HS2ST1: variants seen among roughly 807,000 people sequenced by gnomAD.
The protein encoded by HS2ST1 is heparan sulfate 2-O-sulfotransferase 1.
A neutral mutation model predicts 42.9 loss-of-function variants in HS2ST1; 18 were observed. That is an observed-to-expected ratio of 0.42 (90% CI 0.29 to 0.62). HS2ST1 has a LOEUF of 0.62. Ranked by LOEUF, HS2ST1 falls within the 20% of genes least tolerant of loss-of-function variation. HS2ST1 has a pLI of 0.21. For missense variants in HS2ST1, 334 were observed against 433.8 expected, an observed-to-expected ratio of 0.77 and a Z score of 2.04; for synonymous variants, 146 against 152.9, an observed-to-expected ratio of 0.95 and a Z score of 0.33.
At chr1:87,072,847 C>T in intron 1 of HS2ST1, 87 bp from the exon 2 acceptor site, 2 of 912,166 alleles carry the variant, frequency 2.2e-6, no homozygotes, top group Non-Finnish European at 3.4e-6. Context: ...TTTTTTGTAT[C>T]TTTTCTAATC....
At chr1:86,982,879 C>A (rs901804466) in intron 1 of HS2ST1, among the ~76,000 whole-genome samples, 7 of 152,178 alleles carry the variant, frequency 4.6e-5, no homozygotes, top group African/African-American at 1.7e-4. Context: ...TAAATCGTCT[C>A]TCTCAAGTTC....
chr1:86,941,326 T>C (rs184071725), intron 1 of HS2ST1, among the ~76,000 whole-genome samples: 7 of 151,430 alleles, frequency 4.6e-5, no homozygotes, highest in Non-Finnish European at 2.9e-5. Flanking sequence ...CAAAATCTTT[T>C]CTTAGCCATG....
chr1:86,963,744 GCCC>G (rs370405012), intron 1 of HS2ST1, among the ~76,000 whole-genome samples: 1 of 127,208 alleles, frequency 7.9e-6, no homozygotes, highest in African/African-American at 3.1e-5. Context: ...AGGCAGAGGC[GCCC>G]CCCCCCCCAC....
At chr1:87,056,191 A>G (rs925686348) in intron 1 of HS2ST1, among the ~76,000 whole-genome samples, 7 of 152,252 alleles carry the variant, frequency 4.6e-5, no homozygotes, top group East Asian at 1.9e-4. Context: ...ATTAGTTACA[A>G]TGAGATCAGG....
chr1:86,959,826 A>G (rs1414075972), intron 1 of HS2ST1, among the ~76,000 whole-genome samples: 1 of 152,236 alleles, frequency 6.6e-6, no homozygotes, highest in Non-Finnish European at 1.5e-5. Flanking sequence ...TTCCATGTTC[A>G]TGCTTAGGCA....
intron 3 of HS2ST1, among the ~76,000 whole-genome samples, chr1:87,084,573 T>TA (rs1356905493): frequency 6.6e-6 from 1 of 152,122 alleles, no homozygotes; most frequent in Non-Finnish European, 1.5e-5. Context: ...GAGCTCAAGT[T>TA]ATAACCTAGA....
intron 1 of HS2ST1, among the ~76,000 whole-genome samples, chr1:87,037,777 C>T (rs1321370843): frequency 6.6e-6 from 1 of 151,790 alleles, no homozygotes; most frequent in Admixed American, 6.6e-5. Flanking sequence ...TATTCTACAA[C>T]TTGCATTTTT....
At chr1:87,095,918 T>G (rs115687490) in intron 4 of HS2ST1, among the ~76,000 whole-genome samples, 3,720 of 151,920 alleles carry the variant, frequency 0.024, 52 homozygotes, top group South Asian at 0.058. Flanking sequence ...TCGGTTTACA[T>G]TTTTGCAAAT....
chr1:86,985,081 C>G (rs887985079), intron 1 of HS2ST1, among the ~76,000 whole-genome samples: 1 of 150,896 alleles, frequency 6.6e-6, no homozygotes, highest in African/African-American at 2.4e-5. Context: ...TTTGGCCAGG[C>G]GCGGTGGCTC....
intron 1 of HS2ST1, among the ~76,000 whole-genome samples, chr1:87,055,402 A>G (rs1429178483): frequency 6.6e-6 from 1 of 152,066 alleles, no homozygotes; most frequent in Non-Finnish European, 1.5e-5. Flanking sequence ...CTTGTCACCT[A>G]AGCCTCTAAC....
At chr1:87,053,886 C>T (rs1650893845) in intron 1 of HS2ST1, among the ~76,000 whole-genome samples, 1 of 108,590 alleles carries the variant, frequency 9.2e-6, no homozygotes, top group Non-Finnish European at 2.0e-5. Flanking sequence ...TCAAAATTCT[C>T]TTTTGATGTT....
chr1:86,945,900 C>T (rs1647318995), intron 1 of HS2ST1, among the ~76,000 whole-genome samples: 1 of 152,184 alleles, frequency 6.6e-6, no homozygotes, highest in South Asian at 2.1e-4. Flanking sequence ...AAAACCTGGT[C>T]TCTATAAAAA....
In HS2ST1 at chr1:87,034,689, C is replaced by T. The variant is rs552318564; in HGVS notation, c.125-38245C>T. On this transcript the variant is annotated intron_variant, in intron 1 of 6. Coordinates refer to ENST00000370550, the MANE Select transcript of HS2ST1 (RefSeq NM_012262.4). ...GTGTAAAGTATATGTACGAAGCTTT[C>T]CCTTTTAAAAGACAATAAAAAATAG... Among the ~76,000 whole-genome samples the T allele has an allele frequency of 3.2e-4, 48 of 152,170 alleles. No individual in the cohort carries two copies. In the East Asian group the frequency reaches 8.7e-3, roughly 27 times the overall value.
chr1:87,046,402 G>A, intron 1 of HS2ST1: 2 of 815,524 alleles, frequency 2.5e-6, no homozygotes, highest in Non-Finnish European at 4.4e-6. Context: ...AGCTGCCTGG[G>A]AACCAACAGA....
At chr1:86,929,417 A>G (rs1660493853) in intron 1 of HS2ST1, among the ~76,000 whole-genome samples, 1 of 151,826 alleles carries the variant, frequency 6.6e-6, no homozygotes, top group African/African-American at 2.4e-5. Flanking sequence ...CTTCCCTAGG[A>G]AGAAGTAATA....
intron 1 of HS2ST1, among the ~76,000 whole-genome samples, chr1:86,925,024 C>G (rs1660385585): frequency 6.6e-6 from 1 of 152,152 alleles, no homozygotes; most frequent in Non-Finnish European, 1.5e-5. Context: ...TAATGGCACC[C>G]AAGTCATCTC....
intron 5 of HS2ST1, among the ~76,000 whole-genome samples, chr1:87,101,015 C>CT (rs1255812434): frequency 6.6e-6 from 1 of 152,170 alleles, no homozygotes; most frequent in Non-Finnish European, 1.5e-5. Flanking sequence ...TAAGTTCCAA[C>CT]TTTAAGTCAT....
intron 1 of HS2ST1, among the ~76,000 whole-genome samples, chr1:86,943,903 G>A (rs150145573): frequency 0.015 from 2,344 of 152,106 alleles, 65 homozygotes; most frequent in African/African-American, 0.053. Context: ...GCGGGTGCCT[G>A]TAATCTCAGC....
intron 1 of HS2ST1, among the ~76,000 whole-genome samples, chr1:87,023,381 G>C (rs1384304688): frequency 6.6e-6 from 1 of 151,076 alleles, no homozygotes; most frequent in African/African-American, 2.4e-5. Flanking sequence ...AATAAGTTCT[G>C]GTTCATGCAT....
Sources: gnomAD v4.1 joint callset for allele counts (sites outside exome capture counted in the v4.1 genomes callset) on GRCh38, gnomAD v4.1.1 for gene constraint, MANE v1.5 for transcripts, NCBI Gene and HGNC (gene_info 2026-07-23, HGNC 2026-07-21) for gene names.